Variants in SHTN1 observed in about 807,000 individuals in gnomAD.
The protein encoded by SHTN1 is shootin 1, also known as shootin-1.
SHTN1 carries 42 observed loss-of-function variants against 83.1 expected under a neutral mutation model. That is an observed-to-expected ratio of 0.51 (90% confidence interval 0.39 to 0.65). SHTN1 has a LOEUF of 0.65. Among genes scored for constraint, SHTN1 ranks in the 30% least tolerant of loss-of-function variants. SHTN1 has a pLI of 0.00. For synonymous variants in SHTN1, 224 were observed against 247.7 expected, an observed-to-expected ratio of 0.90 and a Z score of 0.90; for missense variants, 622 against 737.8, an observed-to-expected ratio of 0.84 and a Z score of 1.82.
rs142016624 is a variant in SHTN1 at position 116,955,710 on chromosome 10, C to T, written c.268-1500G>A. ...ACCTAAAGTGGCATGGTCTGGAGCA[C>T]GAGAGGTTTGTCTGACCTCTTTGGA... On this transcript the variant is annotated intron_variant, in intron 4 of 16. Transcript: ENST00000355371. Among the ~76,000 whole-genome samples, 8 of 152,118 alleles carry T rather than the reference C, an allele frequency of 5.3e-5. No individual in the cohort carries two copies. The East Asian group carries it at 7.7e-4, about 15-fold the overall frequency.
At chr10:117,069,126 C>A (rs1304392518) in intron 1 of SHTN1, among the ~76,000 whole-genome samples, 2 of 151,960 alleles carry the variant, frequency 1.3e-5, no homozygotes, top group African/African-American at 4.8e-5. Flanking sequence ...TAGGAGAAAA[C>A]CAGAAGACAG....
At position 116,893,576 on chromosome 10, in the gene SHTN1, G is replaced by GCACACACACACACACA. The variant is rs6144113; in HGVS notation, c.1674-7026_1674-7011dup. Among the ~76,000 whole-genome samples the GCACACACACACACACA allele has an allele frequency of 5.3e-3, 651 of 123,578 alleles. 10 individuals are homozygous for GCACACACACACACACA. The highest frequency in any genetic ancestry group is 0.019 in the South Asian group (62 of 3,294). 81.1% of individuals were successfully genotyped at this position (123,578 alleles called of 152,430 possible). On this transcript the variant is annotated intron_variant, in intron 16 of 16. Transcript: ENST00000355371. ...CCCCCTCCCTGATAGGCACTCATGT[G>GCACACACACACACACA]CACACACACACACACACACACGAGA...
intron 9 of SHTN1, among the ~76,000 whole-genome samples, chr10:116,939,808 T>C (rs1048740961): frequency 6.6e-6 from 1 of 152,200 alleles, no homozygotes; most frequent in Admixed American, 6.5e-5. Context: ...AGTATAAACA[T>C]TGATGTAATT....
At chr10:117,116,088 A>T (rs552873941) in intron 1 of SHTN1, among the ~76,000 whole-genome samples, 1 of 152,308 alleles carries the variant, frequency 6.6e-6, no homozygotes, top group Admixed American at 6.5e-5. Context: ...AATGAATGAA[A>T]TTAAGACTAA....
chr10:117,097,028 TAGACAC>T (rs1699042784), intron 1 of SHTN1, among the ~76,000 whole-genome samples: 2 of 98,466 alleles, frequency 2.0e-5, no homozygotes, highest in South Asian at 3.8e-4. Context: ...CACACACACA[TAGACAC>T]ACACACACAC....
Position 116,882,406 on chromosome 10 carries a change from A to AT in SHTN1, c.*3937_*3938insA, listed in dbSNP as rs1847047524. Reference sequence around the variant, plus strand: ...AAGCAATCCGCAAGTGATAAAAAAAAAAAAAAAAAATGATGTGACATATCC... The same window carrying AT: ...AAGCAATCCGCAAGTGATAAAAAAAATAAAAAAAAAATGATGTGACATATCC... On this transcript the variant is annotated 3_prime_UTR_variant, in exon 17 of 17. Coordinates refer to ENST00000355371, the MANE Select transcript of SHTN1 (RefSeq NM_001127211.3). 1 of 134,660 alleles carries AT rather than the reference A, an allele frequency of 7.4e-6. No homozygotes were observed. Among genetic ancestry groups the AT allele is most frequent in the African/African-American group, 2.8e-5 (1 of 35,584 alleles). 8.3% of individuals were successfully genotyped at this position (134,660 alleles called of 1,614,324 possible).
intron 16 of SHTN1, among the ~76,000 whole-genome samples, chr10:116,892,677 G>A (rs544573206): frequency 7.2e-5 from 11 of 152,100 alleles, no homozygotes; most frequent in African/African-American, 2.2e-4. Flanking sequence ...TTTTAAGATC[G>A]AAAGTCACAA....
At chr10:117,034,544 G>A (rs751779987) in intron 2 of SHTN1, among the ~76,000 whole-genome samples, 5 of 152,100 alleles carry the variant, frequency 3.3e-5, no homozygotes, top group Non-Finnish European at 5.9e-5. Flanking sequence ...AGGAGGCTGA[G>A]GCAGGAGAAT....
At chr10:116,916,285 C>T (rs1848380059) in intron 12 of SHTN1, among the ~76,000 whole-genome samples, 1 of 152,174 alleles carries the variant, frequency 6.6e-6, no homozygotes. Context: ...TGAAATGTCT[C>T]TCTTGTAGAA....
intron 1 of SHTN1, among the ~76,000 whole-genome samples, chr10:117,069,313 C>A (rs900865440): frequency 1.3e-5 from 2 of 152,104 alleles, no homozygotes; most frequent in Admixed American, 6.6e-5. Flanking sequence ...GGGCACCAAT[C>A]TCGGATTAGA....
Position 116,956,020 on chromosome 10 carries a change from C to G in SHTN1, c.268-1810G>C, listed in dbSNP as rs138661769. On this transcript the variant is annotated intron_variant, in intron 4 of 16. Transcript: ENST00000355371. ...GGCACACGAAGCTCAAGGACCCTCA[C>G]TTGTCAATTCTCAAACTATCCCATC... is the stretch of plus-strand genomic sequence containing the variant. 8.5e-4 allele frequency among the ~76,000 whole-genome samples: 129 copies of G among 152,334 alleles called. 1 individual carries two copies. In the East Asian group the frequency reaches 0.022, roughly 25 times the overall value.
At chr10:117,010,838 A>G (rs1456197872) in intron 2 of SHTN1, among the ~76,000 whole-genome samples, 2 of 152,194 alleles carry the variant, frequency 1.3e-5, no homozygotes, top group Non-Finnish European at 2.9e-5. Flanking sequence ...GATCATCTCA[A>G]TTGAGACAGA....
intron 16 of SHTN1, 30 bp from the exon 17 acceptor site, chr10:116,886,596 T>G: frequency 1.2e-6 from 2 of 1,609,772 alleles, no homozygotes; most frequent in South Asian, 1.1e-5. Context: ...ACAAAAAAAG[T>G]AAAAAGCAGA....
chr10:117,019,757 G>C (rs1852232764), intron 2 of SHTN1, among the ~76,000 whole-genome samples: 1 of 150,856 alleles, frequency 6.6e-6, no homozygotes, highest in South Asian at 2.1e-4. Context: ...ACTTGAGGAG[G>C]TTAAGGTTAC....
At chr10:116,901,118 T>C (rs929340433) in intron 16 of SHTN1, 1 of 985,376 alleles carries the variant, frequency 1.0e-6, no homozygotes, top group African/African-American at 1.7e-5. Flanking sequence ...CTAGCTGACA[T>C]CCTGGCAAGA....
intron 1 of SHTN1, among the ~76,000 whole-genome samples, chr10:117,091,614 C>T (rs1338178205): frequency 6.6e-6 from 1 of 152,204 alleles, no homozygotes; most frequent in East Asian, 1.9e-4. Flanking sequence ...CCTCTCTTAA[C>T]AGGTAAGCAC....
At chr10:117,007,446 C>T (rs769406043), upstream of SHTN1, among the ~76,000 whole-genome samples, 6 of 149,936 alleles carry the variant, frequency 4.0e-5, no homozygotes, top group Non-Finnish European at 5.9e-5. Flanking sequence ...ACTAAATCTG[C>T]GGCCTCTTGC....
At chr10:116,993,565 T>C (rs536526293) in intron 1 of SHTN1, among the ~76,000 whole-genome samples, 1 of 152,268 alleles carries the variant, frequency 6.6e-6, no homozygotes, top group African/African-American at 2.4e-5. Context: ...AAATACCATA[T>C]ATAATTAACT....
chr10:117,004,006 G>A (rs1210688357), intron 1 of SHTN1, among the ~76,000 whole-genome samples: 2 of 152,262 alleles, frequency 1.3e-5, no homozygotes, highest in South Asian at 2.1e-4. Context: ...TCCTGCCTCA[G>A]CCTCCCGGGT....
Sources: gnomAD v4.1 joint callset for allele counts (sites outside exome capture counted in the v4.1 genomes callset) on GRCh38, gnomAD v4.1.1 for gene constraint, MANE v1.5 for transcripts, NCBI Gene and HGNC (gene_info 2026-07-23, HGNC 2026-07-21) for gene names.